SHISA9: variants seen among roughly 807,000 people sequenced by gnomAD.
SHISA9 encodes protein shisa-9.
A neutral mutation model predicts 38.0 loss-of-function variants in SHISA9; 13 were observed. The ratio of observed to expected loss-of-function variants is 0.34; its 90% CI spans 0.22 to 0.54. The LOEUF (loss-of-function observed/expected upper bound fraction) is 0.54, where lower values mean the gene tolerates loss of function less well. Among genes scored for constraint, SHISA9 ranks in the 20% least tolerant of loss-of-function variants. The probability of loss-of-function intolerance (pLI) is 0.91; values close to 1 mark genes in which losing one functional copy is unlikely to be tolerated. For missense variants in SHISA9, 538 were observed against 575.8 expected (o/e 0.93, Z 0.67); for synonymous variants, 275 against 242.0 (o/e 1.14, Z -1.27).
intron 1 of SHISA9, chr16:12,910,681 T>C (rs992666704): frequency 3.0e-6 from 3 of 985,330 alleles, no homozygotes; most frequent in Non-Finnish European, 3.6e-6. Flanking sequence ...TCTCCTGAAC[T>C]GGGTGGAAGG....
At chr16:13,144,883 G>T (rs1284846294) in intron 2 of SHISA9, among the ~76,000 whole-genome samples, 1 of 152,152 alleles carries the variant, frequency 6.6e-6, no homozygotes, top group Non-Finnish European at 1.5e-5. Flanking sequence ...AAAGAAAGAA[G>T]GGGGAAAAAT....
rs1349801853 is a variant in SHISA9, at chr16:13,160,952, A to G, written c.692-42442A>G. Among the ~76,000 whole-genome samples the G allele has an allele frequency of 2.0e-5, 3 of 152,168 alleles. No homozygotes were observed. The East Asian group carries it at 5.8e-4, about 29-fold the overall frequency. ...TCTTAGCCTCAGGGTAGATATTGGTATGAAATGACCCTAATTTTTCTTCCT... is the reference window on the plus strand; with the variant it reads ...TCTTAGCCTCAGGGTAGATATTGGTGTGAAATGACCCTAATTTTTCTTCCT... On this transcript the variant is annotated intron_variant, in intron 2 of 4. Coordinates refer to ENST00000558583, the MANE Select transcript of SHISA9 (RefSeq NM_001145204.3).
chr16:13,544,575 C>G, the SHISA9 span, among the ~76,000 whole-genome samples: 2 of 152,002 alleles, frequency 1.3e-5, no homozygotes, highest in South Asian at 4.2e-4. Context: ...ATTTCCCTCA[C>G]CAATTGCTAA....
intron 2 of SHISA9, among the ~76,000 whole-genome samples, chr16:13,050,423 C>G (rs999887826): frequency 2.6e-5 from 4 of 152,112 alleles, no homozygotes; most frequent in Non-Finnish European, 4.4e-5. Flanking sequence ...CCTCTACCTC[C>G]CAGGCTCAAG....
the SHISA9 span, among the ~76,000 whole-genome samples, chr16:13,262,392 A>G: frequency 6.6e-6 from 1 of 152,154 alleles, no homozygotes; most frequent in Non-Finnish European, 1.5e-5. Flanking sequence ...CTCATTTCTC[A>G]GTTCCCTCCT....
At chr16:13,337,115 C>T in the SHISA9 span, among the ~76,000 whole-genome samples, 8 of 152,096 alleles carry the variant, frequency 5.3e-5, no homozygotes, top group Admixed American at 1.3e-4. Flanking sequence ...AGAGCCCATG[C>T]GCTTTGTCAA....
intron 4 of SHISA9, among the ~76,000 whole-genome samples, chr16:13,224,980 G>C (rs1045722077): frequency 6.6e-6 from 1 of 152,146 alleles, no homozygotes; most frequent in African/African-American, 2.4e-5. Context: ...GGCTGGGAAT[G>C]CACATGGAAA....
At chr16:13,229,741 A>G (rs941092319) in intron 4 of SHISA9, among the ~76,000 whole-genome samples, 1 of 152,214 alleles carries the variant, frequency 6.6e-6, no homozygotes, top group Non-Finnish European at 1.5e-5. Context: ...ACAGATGTGA[A>G]CACAGAAATT....
chr16:13,141,396 A>G (rs2050400426), intron 2 of SHISA9, among the ~76,000 whole-genome samples: 2 of 152,050 alleles, frequency 1.3e-5, no homozygotes, highest in Non-Finnish European at 1.5e-5. Context: ...TTTTATTATT[A>G]AAGAGATGGG....
Position 12,922,128 on chromosome 16 carries a change from T to C in SHISA9, c.691+5313T>C, listed in dbSNP as rs570588003. Among the ~76,000 whole-genome samples, 5 of 152,340 alleles carry C rather than the reference T, an allele frequency of 3.3e-5. No homozygotes were observed. The East Asian group carries it at 7.7e-4, about 23-fold the overall frequency. On this transcript the variant is annotated intron_variant, in intron 2 of 4. Coordinates refer to ENST00000558583, the MANE Select transcript of SHISA9 (RefSeq NM_001145204.3). ...TGCCTTTTCTTGTGATACAGGTGTTTGCAGTGTGAGTGGGTCTTCCTCTGG... is the reference window on the plus strand; with the variant it reads ...TGCCTTTTCTTGTGATACAGGTGTTCGCAGTGTGAGTGGGTCTTCCTCTGG...
At chr16:13,308,316 C>T in the SHISA9 span, among the ~76,000 whole-genome samples, 2 of 151,868 alleles carry the variant, frequency 1.3e-5, no homozygotes, top group African/African-American at 4.8e-5. Context: ...TGAAAAGCAC[C>T]ATATAAATTT....
chr16:13,315,014 A>T, the SHISA9 span, among the ~76,000 whole-genome samples: 1 of 152,166 alleles, frequency 6.6e-6, no homozygotes, highest in Non-Finnish European at 1.5e-5. Flanking sequence ...AGTCATCATG[A>T]TCCACACAAC....
the SHISA9 span, among the ~76,000 whole-genome samples, chr16:13,283,383 A>G: frequency 9.2e-5 from 14 of 152,234 alleles, no homozygotes; most frequent in Non-Finnish European, 2.1e-4. Context: ...CACACTGCTA[A>G]TAAAGACATA....
intron 2 of SHISA9, among the ~76,000 whole-genome samples, chr16:13,101,217 T>C (rs1326040852): frequency 1.3e-5 from 2 of 152,212 alleles, no homozygotes; most frequent in Non-Finnish European, 2.9e-5. Context: ...CTAACAATAC[T>C]GTACTGTATA....
At chr16:13,282,947 G>A in the SHISA9 span, among the ~76,000 whole-genome samples, 3 of 151,890 alleles carry the variant, frequency 2.0e-5, no homozygotes, top group Non-Finnish European at 2.9e-5. Flanking sequence ...TATAATCACT[G>A]TTTGAAAATC....
the SHISA9 span, among the ~76,000 whole-genome samples, chr16:13,384,386 G>A: frequency 2.0e-5 from 3 of 152,176 alleles, no homozygotes; most frequent in Non-Finnish European, 4.4e-5. Context: ...CTTCTCTCTG[G>A]CCAGGTGATC....
At chr16:13,039,504 T>G (rs985276418) in intron 2 of SHISA9, among the ~76,000 whole-genome samples, 1 of 101,096 alleles carries the variant, frequency 9.9e-6, no homozygotes, top group Non-Finnish European at 2.1e-5. Context: ...TTTTTTTTTT[T>G]TGAAACTTAT....
intron 2 of SHISA9, among the ~76,000 whole-genome samples, chr16:13,165,733 C>G (rs1235938151): frequency 6.6e-6 from 1 of 152,218 alleles, no homozygotes; most frequent in African/African-American, 2.4e-5. Context: ...GACACAGTAT[C>G]ACGTGCTGAT....
At chr16:12,927,008 T>A (rs1441775399) in intron 2 of SHISA9, among the ~76,000 whole-genome samples, 1 of 152,214 alleles carries the variant, frequency 6.6e-6, no homozygotes, top group Admixed American at 6.5e-5. Flanking sequence ...AATTTCAGGA[T>A]CAGCTGTTAG....
Sources: gnomAD v4.1 joint callset for allele counts (sites outside exome capture counted in the v4.1 genomes callset) on GRCh38, gnomAD v4.1.1 for gene constraint, MANE v1.5 for transcripts, NCBI Gene and HGNC (gene_info 2026-07-23, HGNC 2026-07-21) for gene names.